DNAH8: variants seen among roughly 807,000 people sequenced by gnomAD.
DNAH8 encodes dynein axonemal heavy chain 8.
Under a neutral mutation model 562.1 loss-of-function variants are expected in DNAH8, and 382 were observed. The observed-to-expected ratio is 0.68, with a 90% CI of 0.63 to 0.74. DNAH8 has a LOEUF of 0.74. Ranked by LOEUF, DNAH8 falls within the 30% of genes least tolerant of loss-of-function variation. The pLI is 0.00. For missense variants in DNAH8, 5,203 were observed against 5,620.4 expected (o/e 0.93, Z 2.37); for synonymous variants, 1,881 against 1,919.4 (o/e 0.98, Z 0.52).
chr6:38,779,879 A>C, intron 14 of DNAH8, 87 bp from the exon 15 acceptor site: 2 of 1,280,044 alleles, frequency 1.6e-6, no homozygotes, highest in Non-Finnish European at 2.2e-6. Flanking sequence ...ATATTTGTCA[A>C]ATGAATGAAT....
intron 22 of DNAH8, among the ~76,000 whole-genome samples, chr6:38,804,797 A>T (rs1771114517): frequency 6.8e-6 from 1 of 146,422 alleles, no homozygotes; most frequent in Non-Finnish European, 1.5e-5. Context: ...GAGAAAGAGA[A>T]AACTGTGCCT....
In DNAH8 at chr6:38,896,279, C is replaced by A. The variant is rs1779681243; in HGVS notation, c.8940+54C>A. The A allele has an allele frequency of 7.8e-6, 11 of 1,417,246 alleles. No individual in the cohort carries two copies. The Admixed American group carries it at 1.6e-4, about 21-fold the overall frequency. The allele number at this position is 1,417,246 out of a possible 1,614,324, so 87.8% of individuals were successfully genotyped here. On this transcript the variant is annotated intron_variant, in intron 60 of 92. Coordinates refer to ENST00000327475, the MANE Select transcript of DNAH8 (RefSeq NM_001206927.2). ...TTTCAGATTGCTCACCTGACTAGATCTTTCTCTCTGCACCAGAGTCCTACC... is the reference window on the plus strand; with the variant it reads ...TTTCAGATTGCTCACCTGACTAGATATTTCTCTCTGCACCAGAGTCCTACC...
Position 38,894,839 on chromosome 6 carries a change from G to T in DNAH8, c.8722G>T (p.Glu2908Ter). ...IPTLLSLFKH[E>*]CSRVIADRFI... ...TACTCTCCTGTCCCTTTTCAAACAC[G>T]AGTGCAGCAGAGTAATTGCAGACAG... is the stretch of plus-strand genomic sequence containing the variant. The change falls in exon 59 of 93, where the codon GAG becomes TAG. Residue 2908 changes from glutamate (E) to a stop codon, truncating the protein, a stop_gained. Coordinates refer to ENST00000327475, the MANE Select transcript of DNAH8 (RefSeq NM_001206927.2). LOFTEE classifies it high-confidence loss of function. 3 of 1,613,804 alleles carry T rather than the reference G, an allele frequency of 1.9e-6. No homozygotes were observed. The highest frequency in any genetic ancestry group is 2.5e-6 in the Non-Finnish European group (3 of 1,179,906).
Position 38,781,689 on chromosome 6 carries a change from G to A in DNAH8, c.2259+316G>A, listed in dbSNP as rs112437481. On this transcript the variant is annotated intron_variant, in intron 16 of 92. Coordinates refer to ENST00000327475, the MANE Select transcript of DNAH8 (RefSeq NM_001206927.2). Reference sequence around the variant, plus strand: ...AAAATTTGAAAACAATAAAGTACAGGCCTAGCACAGAAGCTTACTTCTGTG... The same window carrying A: ...AAAATTTGAAAACAATAAAGTACAGACCTAGCACAGAAGCTTACTTCTGTG... Among the ~76,000 whole-genome samples, 128 of 152,156 alleles carry A rather than the reference G, an allele frequency of 8.4e-4. 1 individual carries two copies. Among genetic ancestry groups the A allele is most frequent in the African/African-American group, 2.9e-3 (122 of 41,518 alleles).
intron 8 of DNAH8, among the ~76,000 whole-genome samples, chr6:38,747,547 C>T (rs1395150506): frequency 1.3e-5 from 2 of 152,082 alleles, no homozygotes; most frequent in Non-Finnish European, 2.9e-5. Context: ...CCACCATACC[C>T]AGCTAATTTT....
At chr6:39,028,270 A>T (rs1334673013) in intron 92 of DNAH8, among the ~76,000 whole-genome samples, 2 of 152,218 alleles carry the variant, frequency 1.3e-5, no homozygotes, top group Non-Finnish European at 2.9e-5. Flanking sequence ...CTGTCATAAC[A>T]AAGTATCATT....
intron 11 of DNAH8, among the ~76,000 whole-genome samples, chr6:38,768,898 T>G (rs1189633109): frequency 6.6e-6 from 1 of 152,202 alleles, no homozygotes; most frequent in Non-Finnish European, 1.5e-5. Flanking sequence ...GCTTCTCTTG[T>G]TATTTTTGGG....
chr6:38,861,974 C>A, intron 43 of DNAH8, among the ~76,000 whole-genome samples: 1 of 89,270 alleles, frequency 1.1e-5, no homozygotes, highest in African/African-American at 3.8e-5. Flanking sequence ...TTCTGGAGAG[C>A]CAGTTGTTAA....
intron 79 of DNAH8, among the ~76,000 whole-genome samples, chr6:38,944,273 A>G (rs187091198): frequency 1.3e-5 from 2 of 152,304 alleles, no homozygotes; most frequent in Admixed American, 1.3e-4. Context: ...AGGTTTACAC[A>G]TTGTTCTAAA....
At position 38,906,338 on chromosome 6, in the gene DNAH8, C is replaced by G. The variant is rs775107491; in HGVS notation, c.9279C>G (p.Ile3093Met). Residue 3093 changes from isoleucine (I) to methionine (M), a missense_variant, in exon 63 of 93, where the codon ATC becomes ATG. Transcript: ENST00000327475. ...AGADGKGITF[I>M]FTDSEIKDEA... ...CTGATGGAAAAGGCATCACTTTCAT[C>G]TTTACTGACAGTGAAATAAAAGATG... 1.2e-6 allele frequency: 2 copies of G among 1,610,102 alleles called. No homozygotes were observed. Among genetic ancestry groups the G allele is most frequent in the Admixed American group, 1.7e-5 (1 of 59,976 alleles).
At chr6:38,926,978 A>G (rs1296899396) in intron 74 of DNAH8, among the ~76,000 whole-genome samples, 1 of 152,158 alleles carries the variant, frequency 6.6e-6, no homozygotes, top group African/African-American at 2.4e-5. Context: ...TCTGACTTAA[A>G]TTATTGTTCT....
Position 38,838,460 on chromosome 6 carries a change from G to T in DNAH8, c.4466+418G>T, listed in dbSNP as rs911582290. ...GTTGCCCAGGCTGGAGTGCAGTGGC[G>T]CAATCTCGGCTCACTGCAAGCTCTG... is the stretch of plus-strand genomic sequence containing the variant. On this transcript the variant is annotated intron_variant, in intron 33 of 92. Transcript: ENST00000327475. Among the ~76,000 whole-genome samples, 3 of 144,306 alleles carry T rather than the reference G, an allele frequency of 2.1e-5. 1 individual carries two copies. The highest frequency in any genetic ancestry group is 7.8e-5 in the African/African-American group (3 of 38,498). The allele number at this position is 144,306 out of a possible 152,430, so 94.7% of individuals were successfully genotyped here.
At chr6:38,964,583 TTAATC>T (rs1358026868) in intron 82 of DNAH8, among the ~76,000 whole-genome samples, 1 of 151,734 alleles carries the variant, frequency 6.6e-6, no homozygotes, top group Non-Finnish European at 1.5e-5. Context: ...ACAAGGGTGT[TTAATC>T]TAGTGCTATT....
chr6:38,995,670 T>C (rs889531729), intron 88 of DNAH8, among the ~76,000 whole-genome samples: 1 of 152,226 alleles, frequency 6.6e-6, no homozygotes, highest in Non-Finnish European at 1.5e-5. Flanking sequence ...TCTGGTCTAA[T>C]AAGCTGGACT....
At chr6:38,933,718 G>GT (rs777872610) in intron 76 of DNAH8, among the ~76,000 whole-genome samples, 8 of 152,176 alleles carry the variant, frequency 5.3e-5, no homozygotes, top group Non-Finnish European at 8.8e-5. Flanking sequence ...CTGCCACCCT[G>GT]TAAGTACAAT....
chr6:38,728,133 T>G (rs1300807496), intron 3 of DNAH8, among the ~76,000 whole-genome samples: 1 of 152,108 alleles, frequency 6.6e-6, no homozygotes, highest in African/African-American at 2.4e-5. Context: ...GCCCAGCTAA[T>G]TTTTTTGGTA....
At chr6:38,865,079 C>G (rs1184090597) in intron 45 of DNAH8, among the ~76,000 whole-genome samples, 1 of 152,112 alleles carries the variant, frequency 6.6e-6, no homozygotes. Flanking sequence ...GATAGGAAAC[C>G]AAAGGCATGA....
chr6:38,973,783 C>T lies in DNAH8; in HGVS notation c.12648C>T (p.Pro4216=), dbSNP rs1763496108. 6.2e-7 allele frequency: 1 copy of T among 1,605,632 alleles called. No homozygotes were observed. The highest frequency in any genetic ancestry group is 1.3e-5 in the African/African-American group (1 of 74,276). ...TCCGAGTATGGATAACTACGGAGCCCCATGATCGATTTCCAATTACATTGC... is the reference window on the plus strand; with the variant it reads ...TCCGAGTATGGATAACTACGGAGCCTCATGATCGATTTCCAATTACATTGC... ...DSFRVWITTE[P]HDRFPITLLQ... is the part of the protein sequence containing the mutation. The change falls in exon 84 of 93, where the codon CCC becomes CCT. Residue 4216 remains proline, a synonymous_variant. Transcript: ENST00000327475.
intron 87 of DNAH8, among the ~76,000 whole-genome samples, chr6:38,988,846 T>G (rs1764585607): frequency 6.6e-6 from 1 of 152,240 alleles, no homozygotes. Flanking sequence ...GGATGTTTTT[T>G]GTTCCTGCTT....
Sources: gnomAD v4.1 joint callset for allele counts (sites outside exome capture counted in the v4.1 genomes callset) on GRCh38, gnomAD v4.1.1 for gene constraint, MANE v1.5 for transcripts, NCBI Gene and HGNC (gene_info 2026-07-23, HGNC 2026-07-21) for gene names.